Variants in LSAMP observed in about 807,000 individuals in gnomAD.
LSAMP encodes the protein limbic system-associated membrane protein.
In LSAMP, 7 loss-of-function variants were observed where a neutral mutation model predicts 38.6. That is an observed-to-expected ratio of 0.18 (90% CI 0.10 to 0.34). The LOEUF (loss-of-function observed/expected upper bound fraction) is 0.34, where lower values mean the gene tolerates loss of function less well. Among genes scored for constraint, LSAMP ranks in the 10% least tolerant of loss-of-function variants. LSAMP has a pLI of 1.00. For missense variants in LSAMP, 313 were observed against 420.0 expected, an observed-to-expected ratio of 0.75 and a Z score of 2.23; for synonymous variants, 154 against 166.8, an observed-to-expected ratio of 0.92 and a Z score of 0.59.
At position 115,884,413 on chromosome 3, in the gene LSAMP, G is replaced by C. The variant is rs533965496; in HGVS notation, c.515-31796C>G. On this transcript the variant is annotated intron_variant, in intron 3 of 6. Transcript: ENST00000490035. ...AGGAAGTAATAAAAGGCAACGAAGG[G>C]CAACTCATAGTTGAATTTCAATAAA... Among the ~76,000 whole-genome samples the C allele has an allele frequency of 5.3e-5, 8 of 152,088 alleles. No homozygotes were observed. In the East Asian group the frequency reaches 1.5e-3, roughly 29 times the overall value.
intron 1 of LSAMP, among the ~76,000 whole-genome samples, chr3:116,134,114 G>GA (rs1231771347): frequency 6.6e-6 from 1 of 152,048 alleles, no homozygotes; most frequent in Non-Finnish European, 1.5e-5. Flanking sequence ...AGTCCAAGCT[G>GA]AAAATGACAG....
At chr3:116,375,087 T>C (rs1163211060) in intron 1 of LSAMP, among the ~76,000 whole-genome samples, 4 of 151,958 alleles carry the variant, frequency 2.6e-5, no homozygotes, top group African/African-American at 2.4e-5. Context: ...AGAAAACATA[T>C]GTGAAAATTG....
chr3:116,193,241 T>C (rs1210985970), intron 1 of LSAMP, among the ~76,000 whole-genome samples: 1 of 152,350 alleles, frequency 6.6e-6, no homozygotes, highest in African/African-American at 2.4e-5. Context: ...AGGCGTCTTT[T>C]ATCATACAAA....
intron 3 of LSAMP, among the ~76,000 whole-genome samples, chr3:116,002,950 C>T (rs370074368): frequency 2.0e-5 from 3 of 152,032 alleles, no homozygotes; most frequent in East Asian, 3.9e-4. Flanking sequence ...AACTAAAGTG[C>T]TAGGGTGAAG....
intron 3 of LSAMP, among the ~76,000 whole-genome samples, chr3:115,978,374 A>C (rs1341617148): frequency 6.6e-6 from 1 of 152,170 alleles, no homozygotes; most frequent in Non-Finnish European, 1.5e-5. Context: ...ACAGGTAAGG[A>C]AACTCAAGGT....
intron 3 of LSAMP, among the ~76,000 whole-genome samples, chr3:115,941,938 A>G (rs1443334857): frequency 1.3e-5 from 2 of 152,194 alleles, no homozygotes; most frequent in Non-Finnish European, 2.9e-5. Context: ...ATGTATAAAT[A>G]CATAAAATCA....
At chr3:116,315,085 C>T (rs1204915179) in intron 1 of LSAMP, among the ~76,000 whole-genome samples, 1 of 152,160 alleles carries the variant, frequency 6.6e-6, no homozygotes, top group Non-Finnish European at 1.5e-5. Context: ...ACCAGCTAAA[C>T]TGAATGACTT....
chr3:115,935,972 G>A (rs1937686604), intron 3 of LSAMP, among the ~76,000 whole-genome samples: 1 of 152,112 alleles, frequency 6.6e-6, no homozygotes, highest in South Asian at 2.1e-4. Flanking sequence ...CCACACTTCT[G>A]CTATTTTGGT....
At chr3:116,349,494 C>A (rs1295285071) in intron 1 of LSAMP, among the ~76,000 whole-genome samples, 1 of 148,814 alleles carries the variant, frequency 6.7e-6, no homozygotes, top group East Asian at 2.0e-4. Context: ...TACACACACA[C>A]ACACACACTC....
intron 1 of LSAMP, among the ~76,000 whole-genome samples, chr3:116,142,521 G>C (rs916938306): frequency 5.3e-5 from 8 of 151,978 alleles, no homozygotes; most frequent in African/African-American, 1.9e-4. Flanking sequence ...AGATCCAACT[G>C]CTAGAATGTT....
At chr3:116,241,550 A>T (rs1223146648) in intron 1 of LSAMP, among the ~76,000 whole-genome samples, 1 of 152,180 alleles carries the variant, frequency 6.6e-6, no homozygotes, top group Non-Finnish European at 1.5e-5. Flanking sequence ...TGGGCAACAG[A>T]GTGAGATTCT....
chr3:115,817,710 A>G (rs890614220), intron 6 of LSAMP, among the ~76,000 whole-genome samples: 1 of 152,182 alleles, frequency 6.6e-6, no homozygotes, highest in East Asian at 1.9e-4. Context: ...AGTTATTTCT[A>G]TTTAACAAAT....
chr3:116,142,611 A>G (rs1709395072), intron 1 of LSAMP, among the ~76,000 whole-genome samples: 1 of 152,022 alleles, frequency 6.6e-6, no homozygotes, highest in Admixed American at 6.6e-5. Flanking sequence ...CATATTATAC[A>G]TATTTAATTA....
chr3:116,397,755 G>C lies in LSAMP; in HGVS notation c.155+47122C>G, dbSNP rs191621325. Among the ~76,000 whole-genome samples, 3 of 152,186 alleles carry C rather than the reference G, an allele frequency of 2.0e-5. No individual in the cohort carries two copies. The East Asian group carries it at 5.8e-4, about 30-fold the overall frequency. On this transcript the variant is annotated intron_variant, in intron 1 of 6. Coordinates refer to ENST00000490035, the MANE Select transcript of LSAMP (RefSeq NM_002338.5). ...GCACTGAAAAAAATCTCAGAGGAAG[G>C]CACCACTCAGAGAAAGCACATTTTT...
At chr3:116,411,013 T>A (rs2048968040) in intron 1 of LSAMP, among the ~76,000 whole-genome samples, 1 of 151,980 alleles carries the variant, frequency 6.6e-6, no homozygotes, top group Non-Finnish European at 1.5e-5. Context: ...CGTAACAGTA[T>A]TAAGAGGTGG....
intron 2 of LSAMP, among the ~76,000 whole-genome samples, chr3:116,026,927 G>T (rs1940805046): frequency 6.6e-6 from 1 of 152,182 alleles, no homozygotes; most frequent in Admixed American, 6.5e-5. Flanking sequence ...GCCACGAGAA[G>T]AACATACTCA....
intron 3 of LSAMP, among the ~76,000 whole-genome samples, chr3:115,984,530 A>G (rs1939457204): frequency 6.6e-6 from 1 of 152,176 alleles, no homozygotes; most frequent in South Asian, 2.1e-4. Flanking sequence ...GAAGGAATGA[A>G]TGATCCTTGT....
At chr3:116,009,370 C>T (rs934877962) in intron 3 of LSAMP, among the ~76,000 whole-genome samples, 1 of 152,120 alleles carries the variant, frequency 6.6e-6, no homozygotes, top group South Asian at 2.1e-4. Context: ...TTCTTCAGAT[C>T]ATTTCCTAGC....
chr3:116,090,210 T>TAA (rs11328666), intron 1 of LSAMP, among the ~76,000 whole-genome samples: 2 of 126,674 alleles, frequency 1.6e-5, no homozygotes, highest in Non-Finnish European at 3.3e-5. Context: ...AGACCTTGTC[T>TAA]AAAAAAAAAA....
Sources: gnomAD v4.1 joint callset for allele counts (sites outside exome capture counted in the v4.1 genomes callset) on GRCh38, gnomAD v4.1.1 for gene constraint, MANE v1.5 for transcripts, NCBI Gene and HGNC (gene_info 2026-07-23, HGNC 2026-07-21) for gene names.